Variants in MYO1B observed in about 807,000 individuals in gnomAD.
MYO1B encodes the protein myosin IB, also known as unconventional myosin-Ib.
Under a neutral mutation model 159.7 loss-of-function variants are expected in MYO1B, and 72 were observed. The ratio of observed to expected loss-of-function variants is 0.45; its 90% CI spans 0.37 to 0.55. MYO1B has a LOEUF of 0.55. Among genes scored for constraint, MYO1B ranks in the 20% least tolerant of loss-of-function variants. The probability of loss-of-function intolerance (pLI) is 0.00; values close to 1 mark genes in which losing one functional copy is unlikely to be tolerated. For synonymous variants in MYO1B, 468 were observed against 473.8 expected (o/e 0.99, Z 0.16); for missense variants, 1,062 against 1,364.8 (o/e 0.78, Z 3.50).
At chr2:191,410,628 A>G (rs189824551) in intron 26 of MYO1B, among the ~76,000 whole-genome samples, 2 of 152,334 alleles carry the variant, frequency 1.3e-5, no homozygotes, top group East Asian at 3.9e-4. Flanking sequence ...AGTGTACAAT[A>G]TATAGAAAGG....
At chr2:191,354,695 T>G (rs1046317307) in intron 7 of MYO1B, among the ~76,000 whole-genome samples, 30 of 152,150 alleles carry the variant, frequency 2.0e-4, no homozygotes, top group African/African-American at 7.2e-4. Flanking sequence ...AACTAGGTTC[T>G]GAGAGGAAAG....
chr2:191,327,241 A>G (rs1691159689), intron 3 of MYO1B, among the ~76,000 whole-genome samples: 1 of 152,142 alleles, frequency 6.6e-6, no homozygotes, highest in Non-Finnish European at 1.5e-5. Context: ...CCCTTCATTT[A>G]TGACTTGGTA....
Position 191,392,180 on chromosome 2 carries a change from A to G in MYO1B, c.2055A>G (p.Ile685Met). The change falls in exon 19 of 31, where the codon ATA becomes ATG. Residue 685 changes from isoleucine to methionine, a missense_variant. Physicochemically the swap from Ile to Met is conservative, Grantham distance 10. This residue lies in a region of MYO1B where 609 missense variants were observed against 744.4 expected (regional missense o/e 0.82). Coordinates refer to ENST00000392318, the MANE Select transcript of MYO1B (RefSeq NM_001130158.3). ...VEEYSFGRSK[I>M]FIRNPRTLFK... is the part of the protein sequence containing the mutation. ...AATACTCCTTTGGTAGATCAAAGAT[A>G]TTCATCCGAAACCCAAGAACAGTAT... 1 of 1,607,042 alleles carries G rather than the reference A, an allele frequency of 6.2e-7. No individual in the cohort carries two copies.
At chr2:191,277,092 C>T (rs1687800207) in intron 2 of MYO1B, 62 bp downstream of exon 2, 3 of 1,560,860 alleles carry the variant, frequency 1.9e-6, no homozygotes, top group African/African-American at 1.4e-5. Context: ...AGAGAGCTGT[C>T]TTTTCTTCCT....
intron 3 of MYO1B, among the ~76,000 whole-genome samples, chr2:191,322,341 C>T (rs191510159): frequency 9.9e-4 from 150 of 152,284 alleles, no homozygotes; most frequent in Admixed American, 2.0e-3. Context: ...CCTTTTCCTT[C>T]CTGGGATAAT....
At chr2:191,367,007 C>T (rs974941816) in intron 11 of MYO1B, among the ~76,000 whole-genome samples, 2 of 151,948 alleles carry the variant, frequency 1.3e-5, no homozygotes, top group East Asian at 1.9e-4. Flanking sequence ...TGTCACTTGC[C>T]GTCCTAGACC....
At chr2:191,370,424 A>G in intron 13 of MYO1B, 132 bp downstream of exon 13, 1 of 668,244 alleles carries the variant, frequency 1.5e-6, no homozygotes, top group Non-Finnish European at 2.5e-6. Flanking sequence ...GATGTAACAC[A>G]CTATCACTTT....
At position 191,392,184 on chromosome 2, in the gene MYO1B, A is replaced by C; in HGVS notation, c.2059A>C (p.Ile687Leu). ...CTCCTTTGGTAGATCAAAGATATTC[A>C]TCCGAAACCCAAGAACAGTATGTAA... ...EYSFGRSKIF[I>L]RNPRTLFKLE... is the part of the protein sequence containing the mutation. Residue 687 changes from isoleucine (I) to leucine (L), a missense_variant, in exon 19 of 31, where the codon ATC becomes CTC. Ile to Leu is a conservative substitution (Grantham distance 5). Around this residue, in one of 5 missense-constraint regions of MYO1B, gnomAD observed 609 missense variants for 744.4 expected, o/e 0.82. Transcript: ENST00000392318. 6.2e-7 allele frequency: 1 copy of C among 1,606,762 alleles called. No individual in the cohort carries two copies. The highest frequency in any genetic ancestry group is 8.5e-7 in the Non-Finnish European group (1 of 1,174,652).
chr2:191,419,907 G>C (rs973821032), intron 30 of MYO1B, among the ~76,000 whole-genome samples: 5 of 151,994 alleles, frequency 3.3e-5, no homozygotes, highest in Admixed American at 1.3e-4. Context: ...TATTACAAAA[G>C]AGCCAAAAAA....
chr2:191,330,066 T>C (rs113690762), intron 4 of MYO1B, 37 bp downstream of exon 4: 1 of 1,575,950 alleles, frequency 6.3e-7, no homozygotes. Context: ...AGAAGGTAAA[T>C]GCTGCACAGA....
chr2:191,279,906 A>G (rs936972402), intron 2 of MYO1B, among the ~76,000 whole-genome samples: 1 of 152,178 alleles, frequency 6.6e-6, no homozygotes, highest in African/African-American at 2.4e-5. Flanking sequence ...GGGCCAGTGA[A>G]CAGGAAGACC....
intron 1 of MYO1B, among the ~76,000 whole-genome samples, chr2:191,253,223 A>G (rs976637732): frequency 1.3e-5 from 2 of 152,188 alleles, no homozygotes; most frequent in African/African-American, 4.8e-5. Context: ...TGAATTCCCA[A>G]GAGAAAGATA....
chr2:191,397,645 C>T (rs1016700992), intron 21 of MYO1B, among the ~76,000 whole-genome samples: 1 of 147,194 alleles, frequency 6.8e-6, no homozygotes, highest in Non-Finnish European at 1.5e-5. Flanking sequence ...CCCCACCCTT[C>T]CCGCCTTTCT....
At chr2:191,360,753 G>T in intron 8 of MYO1B, 24 bp downstream of exon 8, 7 of 852,840 alleles carry the variant, frequency 8.2e-6, no homozygotes, top group Non-Finnish European at 1.2e-5. Flanking sequence ...TCTATGTGGT[G>T]TTGTTGTTGT....
chr2:191,304,860 G>A (rs932555224), intron 3 of MYO1B, among the ~76,000 whole-genome samples: 2 of 152,076 alleles, frequency 1.3e-5, no homozygotes, highest in Non-Finnish European at 2.9e-5. Flanking sequence ...TCTCAGACTC[G>A]AAAGAGTTTA....
At chr2:191,401,528 CA>C (rs1035074020) in intron 23 of MYO1B, 13 of 152,158 alleles carry the variant, frequency 8.5e-5, no homozygotes, top group South Asian at 2.1e-4. Flanking sequence ...TCACATACCC[CA>C]AGGGACAAGA....
chr2:191,407,614 G>A (rs1697004222), intron 24 of MYO1B: 1 of 152,162 alleles, frequency 6.6e-6, no homozygotes, highest in South Asian at 2.1e-4. Context: ...AAGAATTAAT[G>A]CAATGAAATG....
At chr2:191,278,096 G>T (rs180879683) in intron 2 of MYO1B, among the ~76,000 whole-genome samples, 1 of 152,286 alleles carries the variant, frequency 6.6e-6, no homozygotes, top group East Asian at 1.9e-4. Flanking sequence ...CTCTTTATCT[G>T]TTGGAGCTGC....
At chr2:191,339,505 G>GT (rs933721731) in intron 4 of MYO1B, among the ~76,000 whole-genome samples, 4 of 152,168 alleles carry the variant, frequency 2.6e-5, no homozygotes, top group African/African-American at 4.8e-5. Flanking sequence ...TAAGTGCCCT[G>GT]TAAAAGAACG....
Sources: gnomAD v4.1 joint callset for allele counts (sites outside exome capture counted in the v4.1 genomes callset) on GRCh38, gnomAD v4.1.1 for gene constraint, gnomAD v4.1.1 regional missense constraint, MANE v1.5 for transcripts, NCBI Gene and HGNC (gene_info 2026-07-23, HGNC 2026-07-21) for gene names.